ZBTB5: variants seen among roughly 807,000 people sequenced by gnomAD.
The protein encoded by ZBTB5 is zinc finger and BTB domain containing 5, also known as zinc finger and BTB domain-containing protein 5.
A neutral mutation model predicts 37.9 loss-of-function variants in ZBTB5; 15 were observed. That is an observed-to-expected ratio of 0.40 (90% CI 0.26 to 0.61). ZBTB5 has a LOEUF of 0.61. Among genes scored for constraint, ZBTB5 ranks in the 20% least tolerant of loss-of-function variants. The pLI is 0.47. For missense variants in ZBTB5, 708 were observed against 856.8 expected (o/e 0.83, Z 2.17); for synonymous variants, 315 against 312.4 (o/e 1.01, Z -0.09).
intron 1 of ZBTB5, among the ~76,000 whole-genome samples, chr9:37,457,570 G>A (rs1018043035): frequency 2.0e-5 from 3 of 152,240 alleles, no homozygotes; most frequent in Non-Finnish European, 2.9e-5. Flanking sequence ...AAGGTTAAGC[G>A]CTGTGGAGCA....
At chr9:37,461,673 A>AC (rs1824295756) in intron 1 of ZBTB5, among the ~76,000 whole-genome samples, 1 of 152,132 alleles carries the variant, frequency 6.6e-6, no homozygotes, top group Non-Finnish European at 1.5e-5. Flanking sequence ...GGTTGCAGTG[A>AC]CCCGAGATCA....
Position 37,440,817 on chromosome 9 carries a change from G to C in ZBTB5, c.1735C>G (p.Pro579Ala). The change falls in exon 2 of 2, where the codon CCT becomes GCT. Residue 579 changes from proline (P) to alanine (A), a missense_variant. This residue lies in a region of ZBTB5 where 639 missense variants were observed against 690.5 expected (regional missense o/e 0.93). Coordinates refer to ENST00000307750, the MANE Select transcript of ZBTB5 (RefSeq NM_014872.3). ...SSFENGHPSQ[P>A]GPPQLTRASA... ...GCCCTGGTCAACTGTGGAGGGCCAG[G>C]CTGGGAAGGATGGCCATTTTCAAAT... 3.1e-6 allele frequency: 5 copies of C among 1,614,208 alleles called. No homozygotes were observed. The highest frequency in any genetic ancestry group is 3.4e-6 in the Non-Finnish European group (4 of 1,180,046).
At chr9:37,458,909 A>G (rs1421866253) in intron 1 of ZBTB5, among the ~76,000 whole-genome samples, 1 of 152,270 alleles carries the variant, frequency 6.6e-6, no homozygotes, top group Non-Finnish European at 1.5e-5. Context: ...TTCAGATTCC[A>G]CATTGCACTA....
rs1823854076 is a variant in ZBTB5 at position 37,440,858 on chromosome 9, T to C, written c.1694A>G (p.Asn565Ser). The C allele has an allele frequency of 7.4e-6, 12 of 1,614,094 alleles. No homozygotes were observed. The East Asian group carries it at 2.4e-4, about 33-fold the overall frequency. ...ATTTTCAAATGAGGACGTAGCTCCA[T>C]TCATCATTAGCTGAGAACTGGTAGA... Reference protein sequence around the residue: ...ENSTSSQLMMNGATSSFENGH... With the variant: ...ENSTSSQLMMSGATSSFENGH... Residue 565 changes from asparagine (N) to serine (S), a missense_variant, in exon 2 of 2, where the codon AAT (asparagine) becomes AGT (serine). By Grantham distance (46) the Asn-to-Ser change is conservative. Coordinates refer to ENST00000307750, the MANE Select transcript of ZBTB5 (RefSeq NM_014872.3).
At chr9:37,446,049 G>A (rs537140453) in intron 1 of ZBTB5, among the ~76,000 whole-genome samples, 2 of 152,304 alleles carry the variant, frequency 1.3e-5, no homozygotes, top group East Asian at 3.9e-4. Context: ...AGAGGTTATA[G>A]AGAGCAAAGA....
chr9:37,447,892 A>G (rs1435526276), intron 1 of ZBTB5, among the ~76,000 whole-genome samples: 2 of 151,826 alleles, frequency 1.3e-5, no homozygotes, highest in Non-Finnish European at 2.9e-5. Flanking sequence ...ATGGTGGCTC[A>G]TATCTGTAAT....
At chr9:37,464,169 C>G (rs1458218570) in intron 1 of ZBTB5, among the ~76,000 whole-genome samples, 2 of 152,216 alleles carry the variant, frequency 1.3e-5, no homozygotes, top group African/African-American at 4.8e-5. Flanking sequence ...CCTTTTACAT[C>G]TAAGCACAAC....
intron 1 of ZBTB5, among the ~76,000 whole-genome samples, chr9:37,451,305 G>A (rs1464761182): frequency 6.6e-6 from 1 of 152,116 alleles, no homozygotes; most frequent in Non-Finnish European, 1.5e-5. Context: ...GGTGGCTCAC[G>A]ACTACAATCC....
At chr9:37,451,866 G>C (rs190129877) in intron 1 of ZBTB5, among the ~76,000 whole-genome samples, 1 of 152,244 alleles carries the variant, frequency 6.6e-6, no homozygotes, top group African/African-American at 2.4e-5. Flanking sequence ...CTGGTTGGCA[G>C]GTCCAGGTGG....
chr9:37,444,031 T>C (rs1426045117), intron 1 of ZBTB5, among the ~76,000 whole-genome samples: 2 of 152,172 alleles, frequency 1.3e-5, no homozygotes, highest in African/African-American at 4.8e-5. Context: ...TTCTGTGAAC[T>C]GTCACTGGGC....
intron 1 of ZBTB5, among the ~76,000 whole-genome samples, chr9:37,460,001 C>G (rs1032199591): frequency 6.6e-6 from 1 of 150,980 alleles, no homozygotes; most frequent in Non-Finnish European, 1.5e-5. Context: ...TGAGCCACTG[C>G]GCCAGGCCAT....
chr9:37,463,189 A>G lies in ZBTB5; in HGVS notation c.-5+2026T>C, dbSNP rs542878573. ...TGGTGAAAATGATGAGAACATATGC[A>G]AAGAGCAATAGTTCACTCAGAAACA... On this transcript the variant is annotated intron_variant, in intron 1 of 1. Coordinates refer to ENST00000307750, the MANE Select transcript of ZBTB5 (RefSeq NM_014872.3). Among the ~76,000 whole-genome samples the G allele has an allele frequency of 5.3e-5, 8 of 152,342 alleles. No individual in the cohort carries two copies. In the South Asian group the frequency reaches 1.7e-3, roughly 32 times the overall value.
chr9:37,461,580 T>C (rs534749063), intron 1 of ZBTB5, among the ~76,000 whole-genome samples: 39 of 152,172 alleles, frequency 2.6e-4, no homozygotes, highest in African/African-American at 9.4e-4. Context: ...AGTACAAAAA[T>C]TAGTCGGGCA....
At chr9:37,447,308 C>G (rs747128687) in intron 1 of ZBTB5, among the ~76,000 whole-genome samples, 2 of 152,120 alleles carry the variant, frequency 1.3e-5, no homozygotes, top group Non-Finnish European at 2.9e-5. Flanking sequence ...GAAACCACCC[C>G]CAGGATCCAA....
At chr9:37,444,347 C>T (rs370232046) in intron 1 of ZBTB5, among the ~76,000 whole-genome samples, 13 of 151,970 alleles carry the variant, frequency 8.6e-5, no homozygotes, top group Admixed American at 5.2e-4. Flanking sequence ...TATAGGTGCA[C>T]GCCACCACAC....
At chr9:37,464,350 T>C (rs1484274609) in intron 1 of ZBTB5, among the ~76,000 whole-genome samples, 2 of 152,246 alleles carry the variant, frequency 1.3e-5, no homozygotes, top group African/African-American at 4.8e-5. Context: ...GTTCCTTCTA[T>C]TAATTCAAGT....
At chr9:37,449,267 CA>C (rs1824053968) in intron 1 of ZBTB5, among the ~76,000 whole-genome samples, 1 of 152,004 alleles carries the variant, frequency 6.6e-6, no homozygotes, top group Non-Finnish European at 1.5e-5. Context: ...TTTCCAAAAA[CA>C]TAAGAGGGGT....
intron 1 of ZBTB5, among the ~76,000 whole-genome samples, chr9:37,463,007 A>C (rs1255222295): frequency 6.6e-6 from 1 of 152,098 alleles, no homozygotes; most frequent in Non-Finnish European, 1.5e-5. Context: ...TCACTCAATA[A>C]AATTCTTCTC....
intron 1 of ZBTB5, among the ~76,000 whole-genome samples, chr9:37,460,441 C>T (rs867549792): frequency 2.0e-5 from 3 of 151,696 alleles, no homozygotes; most frequent in East Asian, 2.0e-4. Flanking sequence ...CACTCCCCCC[C>T]CAAAAAAATT....
Sources: allele counts gnomAD v4.1 joint callset (sites outside exome capture counted in the v4.1 genomes callset), GRCh38; gene constraint gnomAD v4.1.1; regional missense constraint gnomAD v4.1.1; transcripts MANE v1.5; gene names NCBI Gene and HGNC (gene_info 2026-07-23, HGNC 2026-07-21).